SHISA9: variants seen among roughly 807,000 people sequenced by gnomAD.
SHISA9 encodes shisa family member 9, also known as protein shisa-9.
In SHISA9, 13 loss-of-function variants were observed where a neutral mutation model predicts 38.0. The observed-to-expected ratio is 0.34, with a 90% CI of 0.22 to 0.54. The LOEUF (loss-of-function observed/expected upper bound fraction) is 0.54, where lower values mean the gene tolerates loss of function less well. Ranked by LOEUF, SHISA9 falls within the 20% of genes least tolerant of loss-of-function variation. SHISA9 has a pLI of 0.91. For synonymous variants in SHISA9, 275 were observed against 242.0 expected, an observed-to-expected ratio of 1.14 and a Z score of -1.27; for missense variants, 538 against 575.8, an observed-to-expected ratio of 0.93 and a Z score of 0.67.
At chr16:13,169,446 T>C (rs558640786) in intron 2 of SHISA9, among the ~76,000 whole-genome samples, 1 of 152,130 alleles carries the variant, frequency 6.6e-6, no homozygotes, top group African/African-American at 2.4e-5. Flanking sequence ...TAGGAAAAAA[T>C]CCCCCTCTGG....
At chr16:13,020,227 T>C (rs985751562) in intron 2 of SHISA9, among the ~76,000 whole-genome samples, 1 of 151,676 alleles carries the variant, frequency 6.6e-6, no homozygotes, top group Non-Finnish European at 1.5e-5. Flanking sequence ...GATTTCACCA[T>C]GTTGGCCAGG....
chr16:13,308,440 G>T, the SHISA9 span, among the ~76,000 whole-genome samples: 15 of 152,308 alleles, frequency 9.8e-5, no homozygotes, highest in East Asian at 2.3e-3. Flanking sequence ...TCCTGAGGTT[G>T]CATTATTCAA....
intron 2 of SHISA9, among the ~76,000 whole-genome samples, chr16:12,955,225 T>TCC (rs957986523): frequency 6.6e-6 from 1 of 152,128 alleles, no homozygotes; most frequent in Admixed American, 6.5e-5. Context: ...TTCCACCAAT[T>TCC]CCCAGACACA....
chr16:13,348,917 G>A, the SHISA9 span, among the ~76,000 whole-genome samples: 2 of 151,912 alleles, frequency 1.3e-5, no homozygotes, highest in East Asian at 2.0e-4. Flanking sequence ...CATTTGCCTC[G>A]GACTAACATC....
chr16:13,432,117 C>T, the SHISA9 span, among the ~76,000 whole-genome samples: 11 of 152,164 alleles, frequency 7.2e-5, no homozygotes, highest in African/African-American at 2.7e-4. Flanking sequence ...TCATGTCATA[C>T]CCAGACTTGT....
chr16:13,527,245 A>T, the SHISA9 span, among the ~76,000 whole-genome samples: 3 of 152,226 alleles, frequency 2.0e-5, no homozygotes, highest in Admixed American at 2.0e-4. Flanking sequence ...TAGGTTGTCC[A>T]TCCAGCACAA....
chr16:13,393,750 G>A, the SHISA9 span, among the ~76,000 whole-genome samples: 7 of 152,184 alleles, frequency 4.6e-5, no homozygotes, highest in South Asian at 2.1e-4. Flanking sequence ...TCTGGAGGGA[G>A]TGATACACTG....
chr16:13,544,414 GT>G, the SHISA9 span, among the ~76,000 whole-genome samples: 75,982 of 130,100 alleles, frequency 0.58, 22,470 homozygotes, highest in East Asian at 0.95. Flanking sequence ...GTTTTTTCGG[GT>G]TTTTTTTTTT....
intron 2 of SHISA9, among the ~76,000 whole-genome samples, chr16:12,974,959 A>G (rs934440126): frequency 6.6e-6 from 1 of 152,128 alleles, no homozygotes; most frequent in African/African-American, 2.4e-5. Context: ...CAGGGTTGCT[A>G]TGGAGCCAGC....
intron 2 of SHISA9, among the ~76,000 whole-genome samples, chr16:13,053,334 C>T (rs576550545): frequency 1.4e-3 from 213 of 152,184 alleles, no homozygotes; most frequent in Non-Finnish European, 2.3e-3. Context: ...ATGTAGTTGA[C>T]GATCTGATTA....
chr16:13,139,394 T>TTCCTTCCTTCC (rs2050378798), intron 2 of SHISA9, among the ~76,000 whole-genome samples: 3 of 95,076 alleles, frequency 3.2e-5, no homozygotes, highest in African/African-American at 1.4e-4. Flanking sequence ...CCCTTCCTTC[T>TTCCTTCCTTCC]TTCCTTCCTT....
intron 2 of SHISA9, among the ~76,000 whole-genome samples, chr16:13,121,491 C>T (rs1304173566): frequency 2.0e-5 from 3 of 151,978 alleles, no homozygotes; most frequent in Non-Finnish European, 4.4e-5. Context: ...GAACCCATCT[C>T]GAAAATAAAG....
intron 4 of SHISA9, among the ~76,000 whole-genome samples, chr16:13,220,564 G>C (rs973726671): frequency 6.6e-6 from 1 of 152,158 alleles, no homozygotes; most frequent in South Asian, 2.1e-4. Flanking sequence ...GTAGGGCTTA[G>C]AATTCTTTCC....
chr16:13,061,183 C>G (rs1335169576), intron 2 of SHISA9, among the ~76,000 whole-genome samples: 1 of 152,164 alleles, frequency 6.6e-6, no homozygotes, highest in Admixed American at 6.5e-5. Context: ...GGGCCTGATA[C>G]GGCTACAGGC....
chr16:13,233,338 C>T (rs537118987), intron 4 of SHISA9, among the ~76,000 whole-genome samples: 61 of 152,126 alleles, frequency 4.0e-4, no homozygotes, highest in Admixed American at 1.7e-3. Context: ...AGGAATCCTT[C>T]AATGCTGGAG....
chr16:13,352,699 A>AGGGAGGG, the SHISA9 span, among the ~76,000 whole-genome samples: 2 of 6,710 alleles, frequency 3.0e-4, no homozygotes, highest in African/African-American at 6.9e-4. Flanking sequence ...AAGGGAGATA[A>AGGGAGGG]GGGGGGGGGG....
chr16:12,921,443 AC>A (rs1490265766), intron 2 of SHISA9, among the ~76,000 whole-genome samples: 2 of 152,104 alleles, frequency 1.3e-5, no homozygotes, highest in African/African-American at 4.8e-5. Context: ...CCTACACTTA[AC>A]TTTTGAAAAT....
chr16:13,044,136 A>C (rs1032842155), intron 2 of SHISA9, among the ~76,000 whole-genome samples: 1 of 152,174 alleles, frequency 6.6e-6, no homozygotes, highest in African/African-American at 2.4e-5. Context: ...CAAATCTGAA[A>C]ATCCTCTAGG....
At chr16:13,125,039 C>G (rs2050244397) in intron 2 of SHISA9, among the ~76,000 whole-genome samples, 1 of 152,070 alleles carries the variant, frequency 6.6e-6, no homozygotes, top group Non-Finnish European at 1.5e-5. Context: ...GACACAATCT[C>G]CAGGACGTTG....
Sources: gnomAD v4.1 joint callset for allele counts (sites outside exome capture counted in the v4.1 genomes callset) on GRCh38, gnomAD v4.1.1 for gene constraint, MANE v1.5 for transcripts, NCBI Gene and HGNC (gene_info 2026-07-23, HGNC 2026-07-21) for gene names.